The following COG5 variants were observed in gnomAD, a reference collection of about 807,000 sequenced individuals.
COG5 encodes the protein component of oligomeric golgi complex 5, also known as conserved oligomeric Golgi complex subunit 5.
A neutral mutation model predicts 110.4 loss-of-function variants in COG5; 86 were observed. The ratio of observed to expected loss-of-function variants is 0.78; its 90% confidence interval spans 0.65 to 0.93. COG5 has a LOEUF of 0.93. Among genes scored for constraint, COG5 ranks in the 40% least tolerant of loss-of-function variants. The probability of loss-of-function intolerance (pLI) is 0.00; values close to 1 mark genes in which losing one functional copy is unlikely to be tolerated. For missense variants in COG5, 1,077 were observed against 987.0 expected (o/e 1.09, Z -1.22); for synonymous variants, 360 against 334.6 (o/e 1.08, Z -0.83).
rs1334799317 is a variant in COG5 at position 107,283,660 on chromosome 7, G to A, written c.1386C>T (p.Leu462=). The A allele has an allele frequency of 1.2e-6, 2 of 1,613,820 alleles. No individual in the cohort carries two copies. Among genetic ancestry groups the A allele is most frequent in the South Asian group, 2.2e-5 (2 of 91,074 alleles). The change falls in exon 13 of 22, where the codon CTC becomes CTT. Residue 462 remains leucine, a synonymous_variant. Transcript: ENST00000297135. ...GAAAAACCAAGTTGATAGGATCGAA[G>A]AGTCGAGATAAGGATTTTGATAGAT... The part of the protein sequence containing the change: ...AAYLSKSLSR[L]FDPINLVFPP...
intron 6 of COG5, among the ~76,000 whole-genome samples, chr7:107,508,834 G>A (rs900701506): frequency 6.6e-6 from 1 of 152,140 alleles, no homozygotes; most frequent in African/African-American, 2.4e-5. Flanking sequence ...GTAGCAGAGG[G>A]TCCTGTCTGT....
chr7:107,448,277 T>G (rs1178513235), intron 6 of COG5, among the ~76,000 whole-genome samples: 1 of 152,234 alleles, frequency 6.6e-6, no homozygotes, highest in Non-Finnish European at 1.5e-5. Context: ...TTCACACTAA[T>G]GTTCACCTTG....
intron 10 of COG5, among the ~76,000 whole-genome samples, chr7:107,324,737 C>A (rs1809615902): frequency 6.6e-6 from 1 of 152,112 alleles, no homozygotes; most frequent in African/African-American, 2.4e-5. Context: ...TTCTTCTCTG[C>A]CACATAATAG....
intron 11 of COG5, among the ~76,000 whole-genome samples, chr7:107,299,831 A>ATATATATATATATATG (rs1270687416): frequency 1.4e-5 from 1 of 72,438 alleles, no homozygotes; most frequent in Non-Finnish European, 2.5e-5. Flanking sequence ...GTTGGCATAT[A>ATATATATATATATATG]TATATATATA....
At chr7:107,260,274 A>C (rs572807037) in intron 14 of COG5, among the ~76,000 whole-genome samples, 2 of 152,262 alleles carry the variant, frequency 1.3e-5, no homozygotes, top group African/African-American at 4.8e-5. Flanking sequence ...ACATACTACA[A>C]CATAGGTGAA....
chr7:107,543,353 A>C lies in COG5; in HGVS notation c.417+4758T>G, dbSNP rs146560594. Among the ~76,000 whole-genome samples the C allele has an allele frequency of 3.8e-3, 582 of 152,262 alleles. 6 individuals carry two copies. The highest frequency in any genetic ancestry group is 0.013 in the African/African-American group (536 of 41,544). On this transcript the variant is annotated intron_variant, in intron 5 of 21. Transcript: ENST00000297135. ...CTCGTTGAGGAGAGAAAAGAGAAGG[A>C]ATTGAGCACTGGACTTTGCCTCAGC... is the stretch of plus-strand genomic sequence containing the variant.
intron 12 of COG5, among the ~76,000 whole-genome samples, chr7:107,289,064 G>GTT (rs1419865385): frequency 6.6e-6 from 1 of 150,586 alleles, no homozygotes; most frequent in Non-Finnish European, 1.5e-5. Context: ...GGACTCAAGT[G>GTT]ATTTTCTCAC....
intron 7 of COG5, among the ~76,000 whole-genome samples, chr7:107,402,959 C>T (rs1344654808): frequency 1.3e-5 from 2 of 152,104 alleles, no homozygotes; most frequent in Non-Finnish European, 2.9e-5. Flanking sequence ...AACAATAGCT[C>T]CTCCATATCT....
rs1180336384 is a variant in COG5 at position 107,470,036 on chromosome 7, A to G, written c.538+57201T>C. Reference sequence around the variant, plus strand: ...AATACACTGCATCTCTCTGCAGTGGAGAGAAGCGACAAGGTAGGCTGTCAT... The same window carrying G: ...AATACACTGCATCTCTCTGCAGTGGGGAGAAGCGACAAGGTAGGCTGTCAT... On this transcript the variant is annotated intron_variant, in intron 6 of 21. Coordinates refer to ENST00000297135, the MANE Select transcript of COG5 (RefSeq NM_006348.5). The G allele has an allele frequency of 3.9e-5, 6 of 152,308 alleles. No individual in the cohort carries two copies. The East Asian group carries it at 1.2e-3, about 29-fold the overall frequency. 9.4% of individuals were successfully genotyped at this position (152,308 alleles called of 1,614,324 possible).
At chr7:107,208,385 T>G in intron 21 of COG5, 1 of 985,450 alleles carries the variant, frequency 1.0e-6, no homozygotes, top group Non-Finnish European at 1.2e-6. Flanking sequence ...AGATTTGTGA[T>G]GTACACACAG....
intron 7 of COG5, among the ~76,000 whole-genome samples, chr7:107,376,510 A>G (rs1475185868): frequency 6.6e-6 from 1 of 151,838 alleles, no homozygotes; most frequent in Non-Finnish European, 1.5e-5. Context: ...AGTTTAAATT[A>G]TTTCTATTAT....
rs913804801 is a variant in COG5, at chr7:107,208,182, G to A, written c.2375+2344C>T. 10 of 985,266 alleles carry A rather than the reference G, an allele frequency of 1.0e-5. No individual in the cohort carries two copies. The Admixed American group carries it at 2.5e-4, about 24-fold the overall frequency. The allele number at this position is 985,266 out of a possible 1,614,324, so 61.0% of individuals were successfully genotyped here. On this transcript the variant is annotated intron_variant, in intron 21 of 21. Transcript: ENST00000297135. The stretch of plus-strand genomic sequence containing the variant: ...AGTACAGTACTTTTTTTGAAACCCT[G>A]AAGGACAGCTCAATTTTTTGCTAAG...
At chr7:107,311,987 C>T (rs535889830) in intron 11 of COG5, among the ~76,000 whole-genome samples, 21 of 152,130 alleles carry the variant, frequency 1.4e-4, no homozygotes, top group African/African-American at 4.8e-4. Flanking sequence ...GTTTGATCCA[C>T]TTGGAATTTA....
intron 7 of COG5, among the ~76,000 whole-genome samples, chr7:107,384,314 G>C (rs1237776896): frequency 2.0e-5 from 3 of 152,088 alleles, no homozygotes; most frequent in African/African-American, 7.2e-5. Flanking sequence ...TCTTTAGAGG[G>C]GGGAATGAAA....
chr7:107,432,845 G>C (rs1336928166), intron 6 of COG5, among the ~76,000 whole-genome samples: 1 of 151,512 alleles, frequency 6.6e-6, no homozygotes, highest in Non-Finnish European at 1.5e-5. Context: ...AATTAGGCAA[G>C]AAAAGAAATA....
chr7:107,233,904 T>C (rs1396301567), intron 18 of COG5, among the ~76,000 whole-genome samples: 1 of 152,170 alleles, frequency 6.6e-6, no homozygotes, highest in Non-Finnish European at 1.5e-5. Context: ...ATAATTGCAA[T>C]TGTGGCAAGA....
chr7:107,463,003 A>C (rs1796093755), intron 6 of COG5, among the ~76,000 whole-genome samples: 3 of 152,250 alleles, frequency 2.0e-5, no homozygotes. Flanking sequence ...CAAAGCTATA[A>C]GAATGGAGTG....
At chr7:107,251,779 CAAGT>C (rs745573335) in intron 16 of COG5, among the ~76,000 whole-genome samples, 23 of 151,778 alleles carry the variant, frequency 1.5e-4, no homozygotes, top group Non-Finnish European at 2.6e-4. Flanking sequence ...TGTAAAGTCT[CAAGT>C]AAATCTTAAA....
At chr7:107,261,016 C>T (rs1393804896) in intron 14 of COG5, among the ~76,000 whole-genome samples, 1 of 151,624 alleles carries the variant, frequency 6.6e-6, no homozygotes, top group Non-Finnish European at 1.5e-5. Context: ...GGATTGGTTC[C>T]AGGACCGTAA....
Sources: allele counts gnomAD v4.1 joint callset (sites outside exome capture counted in the v4.1 genomes callset), GRCh38; gene constraint gnomAD v4.1.1; transcripts MANE v1.5; gene names NCBI Gene and HGNC (gene_info 2026-07-23, HGNC 2026-07-21).